Variants in ABL2 observed in about 807,000 individuals in gnomAD.
ABL2 encodes the protein ABL proto-oncogene 2, non-receptor tyrosine kinase, also known as tyrosine-protein kinase ABL2.
In ABL2, 49 loss-of-function variants were observed where a neutral mutation model predicts 107.7. The ratio of observed to expected loss-of-function variants is 0.45; its 90% CI spans 0.36 to 0.58. The LOEUF is 0.58. Among genes scored for constraint, ABL2 ranks in the 20% least tolerant of loss-of-function variants. ABL2 has a pLI of 0.00. For synonymous variants in ABL2, 549 were observed against 548.6 expected, an observed-to-expected ratio of 1.00 and a Z score of -0.01; for missense variants, 1,245 against 1,457.0, an observed-to-expected ratio of 0.85 and a Z score of 2.37.
intron 11 of ABL2, among the ~76,000 whole-genome samples, chr1:179,109,887 C>T (rs533832469): frequency 6.6e-6 from 1 of 151,066 alleles, no homozygotes; most frequent in Admixed American, 6.6e-5. Flanking sequence ...GAGATCGCAC[C>T]ACTGTACTCC....
intron 3 of ABL2, 30 bp downstream of exon 3, chr1:179,131,281 A>G: frequency 6.3e-7 from 1 of 1,599,232 alleles, no homozygotes; most frequent in African/African-American, 1.3e-5. Context: ...GAAAACTGAA[A>G]AGTGAAAGGA....
intron 1 of ABL2, chr1:179,184,499 A>T: frequency 1.3e-6 from 1 of 757,570 alleles, no homozygotes; most frequent in Non-Finnish European, 2.2e-6. Flanking sequence ...AGTTCATCAA[A>T]GATGACATTT....
In ABL2 at chr1:179,105,986, A is replaced by G. The variant is rs1653445311; in HGVS notation, c.*1732T>C. Reference sequence around the variant, plus strand: ...AACACCCTTGAGAACATGTACTGTTACCTTAATTAAATAGATTAAGAGATG... The same window carrying G: ...AACACCCTTGAGAACATGTACTGTTGCCTTAATTAAATAGATTAAGAGATG... On this transcript the variant is annotated 3_prime_UTR_variant, in exon 12 of 12. Coordinates refer to ENST00000502732, the MANE Select transcript of ABL2 (RefSeq NM_007314.4). 1 of 222,188 alleles carries G rather than the reference A, an allele frequency of 4.5e-6. No individual in the cohort carries two copies. The highest frequency in any genetic ancestry group is 2.2e-5 in the African/African-American group (1 of 44,864). 13.8% of individuals were successfully genotyped at this position (222,188 alleles called of 1,614,324 possible).
intron 1 of ABL2, among the ~76,000 whole-genome samples, chr1:179,212,581 A>G (rs1662333481): frequency 6.6e-6 from 1 of 151,638 alleles, no homozygotes; most frequent in South Asian, 2.1e-4. Context: ...ACAAATAACA[A>G]AATTAGCCAG....
intron 1 of ABL2, among the ~76,000 whole-genome samples, chr1:179,165,313 G>A (rs1277904982): frequency 1.3e-5 from 2 of 152,102 alleles, no homozygotes; most frequent in African/African-American, 4.8e-5. Context: ...CCAGTTTAAA[G>A]GCACTAGCAA....
intron 3 of ABL2, among the ~76,000 whole-genome samples, chr1:179,127,155 G>A (rs1008682462): frequency 2.0e-5 from 3 of 151,808 alleles, no homozygotes; most frequent in African/African-American, 7.3e-5. Flanking sequence ...TTGGCACCAA[G>A]GCAACAAAAC....
Position 179,117,338 on chromosome 1 carries a change from C to T in ABL2, c.1402G>A (p.Val468Ile), listed in dbSNP as rs144729350. 56 of 1,613,808 alleles carry T rather than the reference C, an allele frequency of 3.5e-5. 1 individual carries two copies. The highest frequency in any genetic ancestry group is 4.4e-5 in the South Asian group (4 of 91,088). The change falls in exon 8 of 12, where the codon GTC (valine) becomes ATC (isoleucine). Residue 468 changes from valine to isoleucine, a missense_variant. Val to Ile is a conservative substitution (Grantham distance 29). Transcript: ENST00000502732. ...AAGTCCCTTTCAACCTTACCCCAGA[C>T]GTCAGATTTAATTGAGAAGGTATTG... is the stretch of plus-strand genomic sequence containing the variant. Reference protein sequence around the residue: ...AYNTFSIKSDVWAFGVLLWEI... With the variant: ...AYNTFSIKSDIWAFGVLLWEI...
chr1:179,219,217 A>AT (rs1662743890), intron 1 of ABL2, among the ~76,000 whole-genome samples: 1 of 152,058 alleles, frequency 6.6e-6, no homozygotes, highest in African/African-American at 2.4e-5. Flanking sequence ...TAGGTTTTCT[A>AT]TTTTTTGTAG....
intron 1 of ABL2, among the ~76,000 whole-genome samples, chr1:179,188,674 C>T (rs1660825519): frequency 6.6e-6 from 1 of 152,176 alleles, no homozygotes; most frequent in Non-Finnish European, 1.5e-5. Flanking sequence ...TGTCTCCACG[C>T]ACTATAATGT....
intron 1 of ABL2, among the ~76,000 whole-genome samples, chr1:179,226,218 A>G (rs747904082): frequency 1.3e-5 from 2 of 151,686 alleles, no homozygotes; most frequent in Non-Finnish European, 2.9e-5. Flanking sequence ...CATTTTTTCA[A>G]TCAGCTTCTA....
chr1:179,228,379 A>C (rs990212408), intron 1 of ABL2, among the ~76,000 whole-genome samples: 1 of 152,106 alleles, frequency 6.6e-6, no homozygotes, highest in African/African-American at 2.4e-5. Flanking sequence ...AAACAAAAAA[A>C]CAAGACAAAA....
rs1311757636 is a variant in ABL2, at chr1:179,106,417, G to A, written c.*1301C>T. ...CCTTCAATTATGCATTCTTAAAATA[G>A]AAGTGAAATGACAAAATAAATAAAG... is the stretch of plus-strand genomic sequence containing the variant. On this transcript the variant is annotated 3_prime_UTR_variant, in exon 12 of 12. Transcript: ENST00000502732. 2.2e-5 allele frequency: 5 copies of A among 232,144 alleles called. No homozygotes were observed. Among genetic ancestry groups the A allele is most frequent in the Non-Finnish European group, 4.3e-5 (5 of 117,482 alleles). The allele number at this position is 232,144 out of a possible 1,614,324, so 14.4% of individuals were successfully genotyped here.
chr1:179,131,528 G>A lies in ABL2; in HGVS notation c.221-47C>T, dbSNP rs143739537. The A allele has an allele frequency of 2.4e-4, 375 of 1,580,176 alleles. No individual in the cohort carries two copies. In the African/African-American group the frequency reaches 2.6e-3, roughly 11 times the overall value. On this transcript the variant is annotated intron_variant, in intron 2 of 11. Coordinates refer to ENST00000502732, the MANE Select transcript of ABL2 (RefSeq NM_007314.4). ...GGGAATTCACGGTGAGTTCAACAGCGAAACATTTGTTTGAATTCATTATAT... is the reference window on the plus strand; with the variant it reads ...GGGAATTCACGGTGAGTTCAACAGCAAAACATTTGTTTGAATTCATTATAT...
In ABL2 at chr1:179,117,372, ACT is replaced by A; in HGVS notation, c.1366_1367del (p.Leu457CysfsTer8). 1 of 1,614,054 alleles carries A rather than the reference ACT, an allele frequency of 6.2e-7. No homozygotes were observed. The highest frequency in any genetic ancestry group is 8.5e-7 in the Non-Finnish European group (1 of 1,180,002). ...KFPIKWTAPE[S>X]LAYNTFSIKS... ...TAATTGAGAAGGTATTGTAGGCAAG[ACT>A]CTCTGGTGCTGTCCACTTAATAGGA... is the stretch of plus-strand genomic sequence containing the variant. On this transcript the variant is annotated frameshift_variant, in exon 8 of 12. Coordinates refer to ENST00000502732, the MANE Select transcript of ABL2 (RefSeq NM_007314.4). LOFTEE classifies it high-confidence loss of function.
At chr1:179,163,484 C>T (rs1227688597) in intron 1 of ABL2, among the ~76,000 whole-genome samples, 1 of 152,186 alleles carries the variant, frequency 6.6e-6, no homozygotes, top group Non-Finnish European at 1.5e-5. Context: ...CAGTGGCTAA[C>T]ACCTGTAACC....
At chr1:179,217,567 A>C (rs1662637407) in intron 1 of ABL2, among the ~76,000 whole-genome samples, 1 of 151,702 alleles carries the variant, frequency 6.6e-6, no homozygotes, top group African/African-American at 2.4e-5. Context: ...TGGAGGTTGC[A>C]GTGAGCCTCG....
At position 179,109,506 on chromosome 1, in the gene ABL2, C is replaced by T. The variant is rs16853675; in HGVS notation, c.1826-65G>A. The stretch of plus-strand genomic sequence containing the variant: ...AGTGAATCTATTACATTTGAGTTAC[C>T]GAGGCTGCATTATGAGTTTTGTCAG... On this transcript the variant is annotated intron_variant, in intron 11 of 11. Coordinates refer to ENST00000502732, the MANE Select transcript of ABL2 (RefSeq NM_007314.4). 9.5e-4 allele frequency: 1,454 copies of T among 1,529,760 alleles called. 9 individuals carry two copies. The African/African-American group carries it at 0.016, about 16-fold the overall frequency. The allele number at this position is 1,529,760 out of a possible 1,614,324, so 94.8% of individuals were successfully genotyped here.
intron 1 of ABL2, among the ~76,000 whole-genome samples, chr1:179,205,557 ACT>A (rs1469768864): frequency 1.3e-5 from 2 of 151,870 alleles, no homozygotes; most frequent in Admixed American, 6.6e-5. Context: ...ATGGTTGAAG[ACT>A]CTGTCAGCCT....
chr1:179,119,442 TG>T (rs1338599046), intron 6 of ABL2, among the ~76,000 whole-genome samples: 11 of 149,804 alleles, frequency 7.3e-5, no homozygotes, highest in African/African-American at 2.7e-4. Context: ...ACCTGGGAGG[TG>T]GAGGTTGCAG....
Sources: gnomAD v4.1 joint callset for allele counts (sites outside exome capture counted in the v4.1 genomes callset) on GRCh38, gnomAD v4.1.1 for gene constraint, MANE v1.5 for transcripts, NCBI Gene and HGNC (gene_info 2026-07-23, HGNC 2026-07-21) for gene names.